The following LHFPL4 variants were observed in gnomAD, a reference collection of about 807,000 sequenced individuals.
The protein encoded by LHFPL4 is LHFPL tetraspan subfamily member 4, also known as LHFPL tetraspan subfamily member 4 protein.
LHFPL4 carries 6 observed loss-of-function variants against 20.0 expected under a neutral mutation model. The observed-to-expected ratio is 0.30, with a 90% CI of 0.16 to 0.59. The LOEUF (loss-of-function observed/expected upper bound fraction) is 0.59, where lower values mean the gene tolerates loss of function less well. LHFPL4 is among the 20% of genes least tolerant of loss of function. The pLI, the probability that LHFPL4 is intolerant of heterozygous loss-of-function variation, is 0.88. For missense variants in LHFPL4, 215 were observed against 331.2 expected, an observed-to-expected ratio of 0.65 and a Z score of 2.72; for synonymous variants, 129 against 143.8, an observed-to-expected ratio of 0.90 and a Z score of 0.74.
chr3:9,513,228 G>A (rs1408403007), intron 2 of LHFPL4, among the ~76,000 whole-genome samples: 6 of 152,296 alleles, frequency 3.9e-5, no homozygotes, highest in African/African-American at 1.4e-4. Context: ...CGAAAGTGCT[G>A]GGATTAGAGG....
At chr3:9,522,381 G>A (rs2046343802) in intron 2 of LHFPL4, among the ~76,000 whole-genome samples, 1 of 152,120 alleles carries the variant, frequency 6.6e-6, no homozygotes, top group Non-Finnish European at 1.5e-5. Context: ...GTGTGTATGT[G>A]TATAATTGAA....
At chr3:9,551,916 A>G (rs1455812890) in intron 2 of LHFPL4, among the ~76,000 whole-genome samples, 7 of 152,126 alleles carry the variant, frequency 4.6e-5, no homozygotes, top group East Asian at 1.9e-4. Flanking sequence ...TTTTTTCAAC[A>G]TAACAGAAAT....
At chr3:9,503,190 T>C (rs1349286026) in intron 3 of LHFPL4, among the ~76,000 whole-genome samples, 2 of 151,944 alleles carry the variant, frequency 1.3e-5, no homozygotes, top group Admixed American at 6.6e-5. Flanking sequence ...GAACTCCCAG[T>C]GAGGGACGGA....
intron 2 of LHFPL4, among the ~76,000 whole-genome samples, chr3:9,549,513 T>C (rs1264751494): frequency 6.6e-6 from 1 of 152,042 alleles, no homozygotes; most frequent in Non-Finnish European, 1.5e-5. Context: ...CTGGCCAACA[T>C]GGCGAAACCC....
intron 3 of LHFPL4, among the ~76,000 whole-genome samples, chr3:9,503,743 G>T (rs534621060): frequency 2.0e-5 from 3 of 152,316 alleles, no homozygotes; most frequent in African/African-American, 7.2e-5. Flanking sequence ...AGCATACAAT[G>T]TGCCAGGTAA....
chr3:9,552,614 G>T lies in LHFPL4; in HGVS notation c.66C>A (p.Ile22=), dbSNP rs201993485. 1 of 1,613,834 alleles carries T rather than the reference G, an allele frequency of 6.2e-7. No homozygotes were observed. Among genetic ancestry groups the T allele is most frequent in the African/African-American group, 1.3e-5 (1 of 75,050 alleles). ...TGGTGAAGATGGCCCACAGCACGCC[G>T]ATGGCCCGCGAGTTCCGCATGTAGT... is the stretch of plus-strand genomic sequence containing the variant. ...HEHYMRNSRA[I]GVLWAIFTIC... The change falls in exon 2 of 4, where the codon ATC becomes ATA. Residue 22 remains isoleucine (I), a synonymous_variant. Transcript: ENST00000287585.
At chr3:9,525,058 C>T (rs2046364786) in intron 2 of LHFPL4, among the ~76,000 whole-genome samples, 1 of 152,130 alleles carries the variant, frequency 6.6e-6, no homozygotes, top group South Asian at 2.1e-4. Flanking sequence ...TTCCTTCCCC[C>T]AAGATCAGTT....
Position 9,552,742 on chromosome 3 carries a change from C to G in LHFPL4, c.-63G>C. On this transcript the variant is annotated 5_prime_UTR_variant, in exon 2 of 4. Coordinates refer to ENST00000287585, the MANE Select transcript of LHFPL4 (RefSeq NM_198560.3). ...CGGGGGCCGCCGGCCCGGGACGGAGCGCCGGGCTGCCGGGCGGGAGCTGGG... is the reference window on the plus strand; with the variant it reads ...CGGGGGCCGCCGGCCCGGGACGGAGGGCCGGGCTGCCGGGCGGGAGCTGGG... 9.7e-7 allele frequency: 1 copy of G among 1,026,152 alleles called. No individual in the cohort carries two copies. The highest frequency in any genetic ancestry group is 5.2e-5 in the Admixed American group (1 of 19,338). 63.6% of individuals were successfully genotyped at this position (1,026,152 alleles called of 1,614,324 possible). A position where few individuals can be genotyped will look rare whatever the true frequency, so the allele number is the denominator to read the frequency against.
intron 2 of LHFPL4, among the ~76,000 whole-genome samples, chr3:9,529,639 A>AT (rs1468522352): frequency 1.1e-3 from 161 of 151,632 alleles, no homozygotes; most frequent in African/African-American, 3.8e-3. Flanking sequence ...TATTTTATTT[A>AT]TTTATTTTTT....
chr3:9,537,729 G>A (rs2046452179), intron 2 of LHFPL4, among the ~76,000 whole-genome samples: 1 of 152,120 alleles, frequency 6.6e-6, no homozygotes. Context: ...CTGTCTCACA[G>A]TTAGTTTTTC....
intron 3 of LHFPL4, among the ~76,000 whole-genome samples, chr3:9,503,983 A>G (rs2046197737): frequency 6.6e-6 from 1 of 152,046 alleles, no homozygotes; most frequent in Admixed American, 6.5e-5. Flanking sequence ...CTATGATTGC[A>G]CCACTGCACT....
intron 2 of LHFPL4, among the ~76,000 whole-genome samples, chr3:9,525,493 T>C (rs1350821488): frequency 6.6e-6 from 1 of 152,222 alleles, no homozygotes; most frequent in African/African-American, 2.4e-5. Context: ...CTCATGGATC[T>C]AGCAAGAGTG....
chr3:9,544,569 G>C (rs2046499871), intron 2 of LHFPL4, among the ~76,000 whole-genome samples: 1 of 152,150 alleles, frequency 6.6e-6, no homozygotes. Context: ...AGGTTGCAGT[G>C]AGCCGAGATC....
chr3:9,531,434 CAGCTT>C (rs1452669978), intron 2 of LHFPL4, among the ~76,000 whole-genome samples: 1 of 152,170 alleles, frequency 6.6e-6, no homozygotes, highest in Admixed American at 6.5e-5. Context: ...GATACAGAAG[CAGCTT>C]AATGACGGTT....
intron 2 of LHFPL4, among the ~76,000 whole-genome samples, chr3:9,543,717 T>G (rs1210222399): frequency 7.7e-6 from 1 of 129,896 alleles, no homozygotes; most frequent in African/African-American, 3.1e-5. Flanking sequence ...GATTTGTTTG[T>G]TTTTGGTTTT....
intron 2 of LHFPL4, among the ~76,000 whole-genome samples, chr3:9,536,557 T>C (rs1260444579): frequency 1.3e-5 from 2 of 152,164 alleles, no homozygotes; most frequent in African/African-American, 4.8e-5. Flanking sequence ...CCAAGCCCCA[T>C]GACCTTCCTC....
At chr3:9,507,207 G>C (rs1178348307) in intron 2 of LHFPL4, among the ~76,000 whole-genome samples, 1 of 152,218 alleles carries the variant, frequency 6.6e-6, no homozygotes, top group African/African-American at 2.4e-5. Context: ...CATTTATCCA[G>C]GGCCTACCAT....
In LHFPL4 at chr3:9,501,574, G is replaced by GC. The variant is rs1229113331; in HGVS notation, c.*636dup. On this transcript the variant is annotated 3_prime_UTR_variant, in exon 4 of 4. Transcript: ENST00000287585. Reference sequence around the variant, plus strand: ...CTTTTCTGACTCTGGGCTGATCAGGGCCCCGGTCTGCAGCTGACAGCAGGG... The same window carrying GC: ...CTTTTCTGACTCTGGGCTGATCAGGGCCCCCGGTCTGCAGCTGACAGCAGGG... The GC allele has an allele frequency of 6.6e-6, 1 of 152,250 alleles. No homozygotes were observed. The highest frequency in any genetic ancestry group is 2.4e-5 in the African/African-American group (1 of 41,416). The allele number at this position is 152,250 out of a possible 1,614,324, so 9.4% of individuals were successfully genotyped here.
At chr3:9,521,898 G>A (rs1490731380) in intron 2 of LHFPL4, among the ~76,000 whole-genome samples, 4 of 151,956 alleles carry the variant, frequency 2.6e-5, no homozygotes, top group Non-Finnish European at 5.9e-5. Context: ...ATTGCTATAG[G>A]TGGATTAACA....
Sources: allele counts gnomAD v4.1 joint callset (sites outside exome capture counted in the v4.1 genomes callset), GRCh38; gene constraint gnomAD v4.1.1; transcripts MANE v1.5; gene names NCBI Gene and HGNC (gene_info 2026-07-23, HGNC 2026-07-21).